The following PMFBP1 variants were observed in gnomAD, a reference collection of about 807,000 sequenced individuals.
PMFBP1 encodes the protein polyamine-modulated factor 1-binding protein 1.
In PMFBP1, 131 loss-of-function variants were observed where a neutral mutation model predicts 137.8. The observed-to-expected ratio is 0.95, with a 90% CI of 0.82 to 1.10. The LOEUF (loss-of-function observed/expected upper bound fraction) is 1.10, where lower values mean the gene tolerates loss of function less well. Ranked by LOEUF, PMFBP1 falls within the 50% of genes least tolerant of loss-of-function variation. The probability of loss-of-function intolerance (pLI) is 0.00; values close to 1 mark genes in which losing one functional copy is unlikely to be tolerated. For missense variants in PMFBP1, 1,199 were observed against 1,175.4 expected (o/e 1.02, Z -0.29); for synonymous variants, 490 against 450.4 (o/e 1.09, Z -1.11).
chr16:72,182,495 C>CAA, the PMFBP1 span, among the ~76,000 whole-genome samples: 45 of 73,958 alleles, frequency 6.1e-4, no homozygotes, highest in African/African-American at 8.5e-4. Flanking sequence ...AACTCTGCCT[C>CAA]AAAAAAAAAA....
At chr16:72,220,749 T>C in the PMFBP1 span, among the ~76,000 whole-genome samples, 6 of 152,200 alleles carry the variant, frequency 3.9e-5, no homozygotes, top group African/African-American at 1.4e-4. Flanking sequence ...GCTGCAGTCC[T>C]GTGGATCTGG....
chr16:72,132,700 C>A (rs956610780), intron 10 of PMFBP1, 48 bp downstream of exon 10: 1 of 1,612,158 alleles, frequency 6.2e-7, no homozygotes, highest in Admixed American at 1.7e-5. Flanking sequence ...TAGGGCTGCT[C>A]TAGCCCCACA....
chr16:72,208,691 C>T, the PMFBP1 span, among the ~76,000 whole-genome samples: 4 of 152,296 alleles, frequency 2.6e-5, no homozygotes, highest in East Asian at 3.9e-4. Context: ...CTGTGTGATT[C>T]GTGGCTTTTC....
chr16:72,192,827 G>A, the PMFBP1 span, among the ~76,000 whole-genome samples: 2 of 151,598 alleles, frequency 1.3e-5, no homozygotes, highest in Non-Finnish European at 2.9e-5. Flanking sequence ...GCTTGAACTC[G>A]GGAGGCGAAA....
At chr16:72,174,357 A>T (rs555791327), upstream of PMFBP1, among the ~76,000 whole-genome samples, 138 of 152,346 alleles carry the variant, frequency 9.1e-4, 1 homozygote, top group African/African-American at 3.2e-3. Flanking sequence ...GTTAAAAATG[A>T]ATCAGTTCAT....
chr16:72,212,484 A>G, the PMFBP1 span, among the ~76,000 whole-genome samples: 1 of 89,192 alleles, frequency 1.1e-5, no homozygotes, highest in Non-Finnish European at 2.3e-5. Flanking sequence ...GTTGTATTGG[A>G]AAAAAAAAAA....
At chr16:72,120,129 C>T (rs764341798) in intron 19 of PMFBP1, 40 bp from the exon 20 acceptor site, 2 of 1,613,524 alleles carry the variant, frequency 1.2e-6, no homozygotes, top group African/African-American at 2.7e-5. Flanking sequence ...GTTGGGGCTG[C>T]TGGCTCTGGT....
intron 1 of PMFBP1, chr16:72,171,640 C>T (rs1438412038): frequency 6.1e-6 from 1 of 163,448 alleles, no homozygotes; most frequent in African/African-American, 2.4e-5. Flanking sequence ...CATGACCTAA[C>T]TTCATTCTCA....
chr16:72,207,710 A>ATGTGTGTGTGTGTGTGTG, the PMFBP1 span, among the ~76,000 whole-genome samples: 5,063 of 143,918 alleles, frequency 0.035, 107 homozygotes, highest in Non-Finnish European at 0.043. Flanking sequence ...CCAGTAGGGC[A>ATGTGTGTGTGTGTGTGTG]TGTGTGTGTG....
At chr16:72,240,921 G>A in the PMFBP1 span, among the ~76,000 whole-genome samples, 11 of 151,844 alleles carry the variant, frequency 7.2e-5, no homozygotes, top group Non-Finnish European at 1.6e-4. Flanking sequence ...GTGAGAGAGA[G>A]AGAGAGAGAG....
At chr16:72,239,915 A>AAAAAAAAAAAAAAAAAAAAAAAAAAG in the PMFBP1 span, among the ~76,000 whole-genome samples, 1 of 145,048 alleles carries the variant, frequency 6.9e-6, no homozygotes, top group Non-Finnish European at 1.5e-5. Context: ...AAAAAAAAAA[A>AAAAAAAAAAAAAAAAAAAAAAAAAAG]AAGAATGTTC....
the PMFBP1 span, among the ~76,000 whole-genome samples, chr16:72,234,491 C>A: frequency 3.5e-3 from 534 of 152,262 alleles, 4 homozygotes; most frequent in South Asian, 6.6e-3. Flanking sequence ...GTGATGTACA[C>A]AGCACGTACA....
chr16:72,212,271 T>C, the PMFBP1 span, among the ~76,000 whole-genome samples: 2 of 152,134 alleles, frequency 1.3e-5, no homozygotes, highest in African/African-American at 4.8e-5. Context: ...GAAGTCTCTT[T>C]AGAAGATGCC....
At chr16:72,249,085 G>GA in the PMFBP1 span, among the ~76,000 whole-genome samples, 47 of 144,352 alleles carry the variant, frequency 3.3e-4, no homozygotes, top group Middle Eastern at 3.5e-3. Flanking sequence ...ATTTGTGTAA[G>GA]AAAAAAAAAA....
At chr16:72,165,438 G>A (rs1481000881) in intron 2 of PMFBP1, among the ~76,000 whole-genome samples, 5 of 146,948 alleles carry the variant, frequency 3.4e-5, no homozygotes, top group Admixed American at 2.7e-4. Context: ...TTTTTGAGAC[G>A]GAGACTTGCT....
upstream of PMFBP1, among the ~76,000 whole-genome samples, chr16:72,177,909 T>G (rs769350438): frequency 1.3e-5 from 2 of 152,164 alleles, no homozygotes; most frequent in Non-Finnish European, 2.9e-5. Context: ...TTTTTCTTTT[T>G]GAGAAAGAGT....
At chr16:72,146,691 T>A (rs1281309775) in intron 5 of PMFBP1, among the ~76,000 whole-genome samples, 1 of 152,176 alleles carries the variant, frequency 6.6e-6, no homozygotes. Flanking sequence ...GGATACAAAA[T>A]CAATGTGCAA....
the PMFBP1 span, among the ~76,000 whole-genome samples, chr16:72,212,519 C>T: frequency 6.6e-6 from 1 of 151,334 alleles, no homozygotes; most frequent in Non-Finnish European, 1.5e-5. Flanking sequence ...TGTGACAGAC[C>T]ACATGTGGCT....
the PMFBP1 span, among the ~76,000 whole-genome samples, chr16:72,191,495 G>A: frequency 2.6e-5 from 4 of 152,128 alleles, no homozygotes; most frequent in Admixed American, 1.3e-4. Context: ...CATTAGAAGC[G>A]ACTTGGCTCA....
Sources: gnomAD v4.1 joint callset for allele counts (sites outside exome capture counted in the v4.1 genomes callset) on GRCh38, gnomAD v4.1.1 for gene constraint, MANE v1.5 for transcripts, NCBI Gene and HGNC (gene_info 2026-07-23, HGNC 2026-07-21) for gene names.